Variants in BTC observed in about 807,000 individuals in gnomAD.
The protein encoded by BTC is betacellulin.
BTC carries 13 observed loss-of-function variants against 18.1 expected under a neutral mutation model. The observed-to-expected ratio is 0.72, with a 90% CI of 0.47 to 1.14. The LOEUF is 1.14. Among genes scored for constraint, BTC ranks in the 50% most tolerant of loss-of-function variants. The pLI is 0.00. For synonymous variants in BTC, 83 were observed against 79.4 expected, an observed-to-expected ratio of 1.05 and a Z score of -0.24; for missense variants, 247 against 224.2, an observed-to-expected ratio of 1.10 and a Z score of -0.65.
chr4:74,757,731 C>T (rs1236431001), intron 2 of BTC, among the ~76,000 whole-genome samples: 1 of 152,194 alleles, frequency 6.6e-6, no homozygotes, highest in Non-Finnish European at 1.5e-5. Context: ...TTTTAGTACA[C>T]TGGAAACAGT....
At chr4:74,788,503 A>G (rs1021299306) in intron 1 of BTC, among the ~76,000 whole-genome samples, 2 of 152,166 alleles carry the variant, frequency 1.3e-5, no homozygotes, top group African/African-American at 4.8e-5. Flanking sequence ...GAACATTTCT[A>G]TTCTATGTAA....
rs139349541 is a variant in BTC, at chr4:74,792,274, A to G, written c.64+1988T>C. ...ACATTTAGGTTACCCTGAGTGTACA[A>G]TAGCACTGGATTCGAGTTTTGCTTT... On this transcript the variant is annotated intron_variant, in intron 1 of 5. Coordinates refer to ENST00000395743, the MANE Select transcript of BTC (RefSeq NM_001729.4). 3.2e-4 allele frequency among the ~76,000 whole-genome samples: 49 copies of G among 152,326 alleles called. No homozygotes were observed. The East Asian group carries it at 9.3e-3, about 29-fold the overall frequency.
Position 74,755,848 on chromosome 4 carries a change from A to C in BTC, c.281+11T>G. Reference sequence around the variant, plus strand: ...ACCCTTTTGCTTGCTGGCTGAGGACACTCCACTTACACACAGGAGGGCGTC... The same window carrying C: ...ACCCTTTTGCTTGCTGGCTGAGGACCCTCCACTTACACACAGGAGGGCGTC... On this transcript the variant is annotated intron_variant, in intron 3 of 5. Coordinates refer to ENST00000395743, the MANE Select transcript of BTC (RefSeq NM_001729.4). The C allele has an allele frequency of 6.2e-7, 1 of 1,612,570 alleles. No individual in the cohort carries two copies. The highest frequency in any genetic ancestry group is 8.5e-7 in the Non-Finnish European group (1 of 1,178,938).
intron 2 of BTC, among the ~76,000 whole-genome samples, chr4:74,762,316 G>C (rs185935680): frequency 1.3e-5 from 2 of 152,136 alleles, no homozygotes; most frequent in Non-Finnish European, 2.9e-5. Flanking sequence ...TTCATGTCAG[G>C]CTACTTTGTT....
intron 2 of BTC, among the ~76,000 whole-genome samples, chr4:74,768,440 A>G (rs1724956092): frequency 6.6e-6 from 1 of 152,174 alleles, no homozygotes; most frequent in Non-Finnish European, 1.5e-5. Context: ...AGAGAAAAAT[A>G]CTGCCATTGT....
intron 4 of BTC, 33 bp downstream of exon 4, chr4:74,750,540 G>T (rs1724430739): frequency 6.3e-7 from 1 of 1,580,728 alleles, no homozygotes; most frequent in Admixed American, 1.9e-5. Context: ...CTGTTTCTCA[G>T]ATTTACTTAA....
intron 1 of BTC, among the ~76,000 whole-genome samples, chr4:74,780,627 T>C (rs1287224489): frequency 6.6e-6 from 1 of 152,210 alleles, no homozygotes; most frequent in Non-Finnish European, 1.5e-5. Flanking sequence ...GTGCTTTATT[T>C]TTACCCTTCA....
chr4:74,749,931 C>CAAAAA (rs782482968), intron 4 of BTC, among the ~76,000 whole-genome samples: 2 of 74,034 alleles, frequency 2.7e-5, no homozygotes, highest in Admixed American at 1.6e-4. Flanking sequence ...CCAGTCTCCA[C>CAAAAA]AAAAAAAAAA....
At chr4:74,772,030 C>A (rs1725056863) in intron 1 of BTC, among the ~76,000 whole-genome samples, 1 of 151,980 alleles carries the variant, frequency 6.6e-6, no homozygotes, top group Non-Finnish European at 1.5e-5. Flanking sequence ...TAAAGCAGAC[C>A]ACAGAATAAT....
intron 1 of BTC, among the ~76,000 whole-genome samples, chr4:74,783,282 T>C (rs1725385829): frequency 6.6e-6 from 1 of 152,188 alleles, no homozygotes; most frequent in Non-Finnish European, 1.5e-5. Flanking sequence ...TTGTATATAG[T>C]GTAAAGAAGG....
Position 74,750,643 on chromosome 4 carries a change from G to T in BTC, c.358C>A (p.Leu120Met). The stretch of plus-strand genomic sequence containing the variant: ...ATAACTGCTATCAAACAAATCACCA[G>T]AATCTGTCCTCTGTCTCCTCTTAGG... Reference protein sequence around the residue: ...FYLRGDRGQILVICLIAVMVV... With the variant: ...FYLRGDRGQIMVICLIAVMVV... Residue 120 changes from leucine to methionine, a missense_variant, in exon 4 of 6, where the codon CTG becomes ATG. Coordinates refer to ENST00000395743, the MANE Select transcript of BTC (RefSeq NM_001729.4). 6.2e-7 allele frequency: 1 copy of T among 1,613,868 alleles called. No individual in the cohort carries two copies. The highest frequency in any genetic ancestry group is 2.2e-5 in the East Asian group (1 of 44,822).
chr4:74,767,649 C>T (rs1189983507), intron 2 of BTC, among the ~76,000 whole-genome samples: 1 of 151,992 alleles, frequency 6.6e-6, no homozygotes, highest in Non-Finnish European at 1.5e-5. Flanking sequence ...TTGGAGGTAT[C>T]GTTCTTCCTG....
chr4:74,774,127 T>C (rs1277541329), intron 1 of BTC, among the ~76,000 whole-genome samples: 1 of 152,224 alleles, frequency 6.6e-6, no homozygotes, highest in Non-Finnish European at 1.5e-5. Flanking sequence ...ACAATCATAA[T>C]GTGTTAATTG....
chr4:74,754,526 G>C (rs554337630), intron 3 of BTC, among the ~76,000 whole-genome samples: 1 of 152,290 alleles, frequency 6.6e-6, no homozygotes, highest in East Asian at 1.9e-4. Flanking sequence ...AGGAGATGAT[G>C]AGTGCAGTGC....
intron 3 of BTC, among the ~76,000 whole-genome samples, chr4:74,752,763 T>A (rs1553956320): frequency 6.6e-6 from 1 of 152,250 alleles, no homozygotes; most frequent in African/African-American, 2.4e-5. Context: ...AATATATTTT[T>A]TTCCAACTAG....
At chr4:74,792,124 G>A (rs1725649876) in intron 1 of BTC, among the ~76,000 whole-genome samples, 1 of 152,064 alleles carries the variant, frequency 6.6e-6, no homozygotes, top group African/African-American at 2.4e-5. Context: ...CAGAAATAGG[G>A]CCACTTAATG....
intron 4 of BTC, among the ~76,000 whole-genome samples, chr4:74,748,494 C>T (rs1553955729): frequency 6.6e-6 from 1 of 151,974 alleles, no homozygotes. Context: ...CGAGATTGCG[C>T]CACTGCACTC....
chr4:74,794,118 C>T (rs978865377), intron 1 of BTC, 144 bp downstream of exon 1: 2 of 1,045,376 alleles, frequency 1.9e-6, no homozygotes, highest in African/African-American at 1.6e-5. Flanking sequence ...CGCGCTCTCC[C>T]AGCCTTCAAA....
intron 2 of BTC, among the ~76,000 whole-genome samples, chr4:74,760,638 G>A (rs907178600): frequency 3.3e-5 from 5 of 152,036 alleles, no homozygotes; most frequent in Non-Finnish European, 7.4e-5. Flanking sequence ...GAAAGGGGAC[G>A]TTACATCTCA....
Sources: allele counts gnomAD v4.1 joint callset (sites outside exome capture counted in the v4.1 genomes callset), GRCh38; gene constraint gnomAD v4.1.1; transcripts MANE v1.5; gene names NCBI Gene and HGNC (gene_info 2026-07-23, HGNC 2026-07-21).